PCDH9: variants seen among roughly 807,000 people sequenced by gnomAD.
The protein encoded by PCDH9 is protocadherin-9.
PCDH9 carries 24 observed loss-of-function variants against 70.6 expected under a neutral mutation model. The ratio of observed to expected loss-of-function variants is 0.34; its 90% CI spans 0.25 to 0.48. PCDH9 has a LOEUF of 0.48. Among genes scored for constraint, PCDH9 ranks in the 20% least tolerant of loss-of-function variants. PCDH9 has a pLI of 0.99. For missense variants in PCDH9, 1,281 were observed against 1,503.6 expected (o/e 0.85, Z 2.45); for synonymous variants, 562 against 558.5 (o/e 1.01, Z -0.09).
intron 4 of PCDH9, among the ~76,000 whole-genome samples, chr13:66,402,130 G>A (rs546849950): frequency 6.6e-6 from 1 of 152,096 alleles, no homozygotes; most frequent in Admixed American, 6.6e-5. Context: ...TCTCACAGAT[G>A]GCTTTCTGCC....
At chr13:66,737,789 G>A (rs975001572) in intron 3 of PCDH9, among the ~76,000 whole-genome samples, 5 of 152,256 alleles carry the variant, frequency 3.3e-5, no homozygotes, top group South Asian at 2.1e-4. Flanking sequence ...TTTTCAGACC[G>A]GCTTAGAAAA....
At chr13:66,927,200 G>A (rs2082730514) in intron 2 of PCDH9, among the ~76,000 whole-genome samples, 2 of 151,994 alleles carry the variant, frequency 1.3e-5, no homozygotes, top group Admixed American at 1.3e-4. Context: ...CCATAGACCG[G>A]TGGCTTAAAA....
At position 66,683,731 on chromosome 13, in the gene PCDH9, T is replaced by A. The variant is rs2078360836; in HGVS notation, c.3139-52320A>T. Among the ~76,000 whole-genome samples the A allele has an allele frequency of 2.0e-5, 3 of 152,172 alleles. No homozygotes were observed. In the South Asian group the frequency reaches 6.2e-4, roughly 32 times the overall value. ...ATCACAGGTTTTAAAATTGTATGCA[T>A]ACAGAGCCAGCCAGCTTAATCTTTA... is the stretch of plus-strand genomic sequence containing the variant. On this transcript the variant is annotated intron_variant, in intron 3 of 4. Coordinates refer to ENST00000377865, the MANE Select transcript of PCDH9 (RefSeq NM_203487.3).
At chr13:67,190,130 T>A (rs1464799544) in intron 2 of PCDH9, among the ~76,000 whole-genome samples, 1 of 151,966 alleles carries the variant, frequency 6.6e-6, no homozygotes, top group Admixed American at 6.6e-5. Flanking sequence ...ATGCAAAGAA[T>A]CTTAGAAATT....
intron 2 of PCDH9, among the ~76,000 whole-genome samples, chr13:67,077,818 A>G (rs1001312324): frequency 2.6e-5 from 4 of 152,150 alleles, no homozygotes; most frequent in Admixed American, 6.5e-5. Flanking sequence ...ACTAGAGTAG[A>G]TATTAAGTGG....
chr13:67,200,855 C>A (rs993658043), intron 2 of PCDH9, among the ~76,000 whole-genome samples: 2 of 152,132 alleles, frequency 1.3e-5, no homozygotes, highest in South Asian at 2.1e-4. Flanking sequence ...CTTAGGAGAA[C>A]GACCTCCTAT....
chr13:66,335,440 C>T (rs781722755), intron 4 of PCDH9, among the ~76,000 whole-genome samples: 6 of 152,018 alleles, frequency 3.9e-5, no homozygotes, highest in South Asian at 2.1e-4. Flanking sequence ...CAACATAAAA[C>T]GAATTAAATG....
At chr13:66,613,209 G>A (rs1593778174) in intron 4 of PCDH9, among the ~76,000 whole-genome samples, 2 of 152,260 alleles carry the variant, frequency 1.3e-5, no homozygotes, top group South Asian at 4.1e-4. Flanking sequence ...AGAGCCGGCT[G>A]TTTGGAACCA....
At chr13:66,922,736 T>A (rs1489455745) in intron 2 of PCDH9, among the ~76,000 whole-genome samples, 1 of 151,526 alleles carries the variant, frequency 6.6e-6, no homozygotes, top group Admixed American at 6.6e-5. Flanking sequence ...TTGCTGCTAT[T>A]ATATTAGAAA....
At chr13:66,577,214 C>T (rs925087413) in intron 4 of PCDH9, among the ~76,000 whole-genome samples, 11 of 151,636 alleles carry the variant, frequency 7.3e-5, no homozygotes, top group Non-Finnish European at 1.5e-4. Flanking sequence ...AGAAATATTA[C>T]CATGTATACT....
chr13:66,967,318 G>A (rs528160686), intron 2 of PCDH9, among the ~76,000 whole-genome samples: 30 of 152,006 alleles, frequency 2.0e-4, no homozygotes, highest in Non-Finnish European at 4.0e-4. Flanking sequence ...AAGCCACACT[G>A]TCCAACATTG....
intron 2 of PCDH9, among the ~76,000 whole-genome samples, chr13:67,053,535 G>T (rs1172444247): frequency 1.3e-5 from 2 of 152,146 alleles, no homozygotes; most frequent in Admixed American, 1.3e-4. Flanking sequence ...ATACAAAGAA[G>T]ACATTAGGAG....
intron 2 of PCDH9, among the ~76,000 whole-genome samples, chr13:67,063,601 G>A (rs985542056): frequency 6.0e-5 from 9 of 150,782 alleles, no homozygotes; most frequent in East Asian, 3.9e-4. Flanking sequence ...CTATACTGCC[G>A]ATTTGCCAAT....
At chr13:66,421,565 AT>A (rs1957567933) in intron 4 of PCDH9, among the ~76,000 whole-genome samples, 1 of 152,180 alleles carries the variant, frequency 6.6e-6, no homozygotes. Flanking sequence ...CCAAACTAAG[AT>A]TCATAAGTGA....
At chr13:66,929,661 T>C (rs2082774797) in intron 2 of PCDH9, among the ~76,000 whole-genome samples, 1 of 152,116 alleles carries the variant, frequency 6.6e-6, no homozygotes, top group African/African-American at 2.4e-5. Context: ...TTCTATACCA[T>C]AATAATTTGT....
At position 67,129,146 on chromosome 13, in the gene PCDH9, A is replaced by G. The variant is rs146707264; in HGVS notation, c.3036+96259T>C. Among the ~76,000 whole-genome samples, 622 of 152,272 alleles carry G rather than the reference A, an allele frequency of 4.1e-3. 6 individuals carry two copies. The highest frequency in any genetic ancestry group is 0.014 in the African/African-American group (598 of 41,568). On this transcript the variant is annotated intron_variant, in intron 2 of 4. Coordinates refer to ENST00000377865, the MANE Select transcript of PCDH9 (RefSeq NM_203487.3). ...TTTCTGTTTTATGCTGAATATGTCT[A>G]TGAGTTTTCTTCCACATCGTTGTAA...
chr13:66,497,642 C>A (rs1487572284), intron 4 of PCDH9, among the ~76,000 whole-genome samples: 1 of 151,936 alleles, frequency 6.6e-6, no homozygotes, highest in Admixed American at 6.6e-5. Context: ...AAATTTGAGA[C>A]CAAAAGATAT....
At chr13:67,128,496 A>G (rs1449756725) in intron 2 of PCDH9, among the ~76,000 whole-genome samples, 2 of 152,208 alleles carry the variant, frequency 1.3e-5, no homozygotes, top group African/African-American at 2.4e-5. Flanking sequence ...GAAACACAGC[A>G]GGGTTAATCA....
chr13:66,452,955 C>T (rs1369797440), intron 4 of PCDH9, among the ~76,000 whole-genome samples: 2 of 152,184 alleles, frequency 1.3e-5, no homozygotes, highest in South Asian at 2.1e-4. Flanking sequence ...TCCATCCATC[C>T]ACTCATCCAT....
Sources: gnomAD v4.1 joint callset for allele counts (sites outside exome capture counted in the v4.1 genomes callset) on GRCh38, gnomAD v4.1.1 for gene constraint, MANE v1.5 for transcripts, NCBI Gene and HGNC (gene_info 2026-07-23, HGNC 2026-07-21) for gene names.